Variants in PTPN2 observed in about 807,000 individuals in gnomAD.
The protein encoded by PTPN2 is tyrosine-protein phosphatase non-receptor type 2.
Under a neutral mutation model 57.3 loss-of-function variants are expected in PTPN2, and 19 were observed. That is an observed-to-expected ratio of 0.33 (90% confidence interval 0.23 to 0.49). The LOEUF (loss-of-function observed/expected upper bound fraction) is 0.49. PTPN2 is among the 20% of genes least tolerant of loss of function. The probability of loss-of-function intolerance (pLI) is 0.99; values close to 1 mark genes in which losing one functional copy is unlikely to be tolerated. For synonymous variants in PTPN2, 153 were observed against 164.9 expected, an observed-to-expected ratio of 0.93 and a Z score of 0.55; for missense variants, 358 against 501.1, an observed-to-expected ratio of 0.71 and a Z score of 2.73.
In PTPN2 at chr18:12,807,580, A is replaced by AT. The variant is rs1405214676; in HGVS notation, c.859-5430_859-5429insA. Reference sequence around the variant, plus strand: ...GAAAGAAAATGTGGAAAAAAAAAAAAAAAAAAATATATATATATATATATA... The same window carrying AT: ...GAAAGAAAATGTGGAAAAAAAAAAAATAAAAAAATATATATATATATATATA... On this transcript the variant is annotated intron_variant, in intron 7 of 8. Coordinates refer to ENST00000309660, the MANE Select transcript of PTPN2 (RefSeq NM_002828.4). Among the ~76,000 whole-genome samples the AT allele has an allele frequency of 9.4e-3, 568 of 60,136 alleles. 14 individuals are homozygous for AT. Among genetic ancestry groups the AT allele is most frequent in the East Asian group, 0.051 (57 of 1,116 alleles). 39.5% of individuals were successfully genotyped at this position (60,136 alleles called of 152,430 possible).
chr18:12,849,481 C>T (rs1297968960), intron 2 of PTPN2, among the ~76,000 whole-genome samples: 1 of 152,140 alleles, frequency 6.6e-6, no homozygotes, highest in Non-Finnish European at 1.5e-5. Flanking sequence ...ATTGCTTGAA[C>T]CCGGGAGGTG....
chr18:12,814,406 A>G (rs1275844289), intron 6 of PTPN2, 51 bp from the exon 7 acceptor site: 2 of 1,481,992 alleles, frequency 1.3e-6, no homozygotes, highest in Non-Finnish European at 1.8e-6. Flanking sequence ...AACCCAGGAA[A>G]CAGAATCAAT....
intron 8 of PTPN2, among the ~76,000 whole-genome samples, chr18:12,796,911 A>G (rs1033274754): frequency 6.6e-6 from 1 of 152,174 alleles, no homozygotes; most frequent in Non-Finnish European, 1.5e-5. Flanking sequence ...TCTTCATCAC[A>G]TATTCTGCAA....
At chr18:12,862,156 C>CTTTTTTTTTTTTTT (rs71174145) in intron 1 of PTPN2, 1 of 144,186 alleles carries the variant, frequency 6.9e-6, no homozygotes, top group Non-Finnish European at 1.5e-5. Flanking sequence ...CTTTCTCTTT[C>CTTTTTTTTTTTTTT]TTTTTTTTTT....
Position 12,870,751 on chromosome 18 carries a change from C to A in PTPN2, c.70-11497G>T, listed in dbSNP as rs191646427. Among the ~76,000 whole-genome samples, 879 of 151,490 alleles carry A rather than the reference C, an allele frequency of 5.8e-3. 5 individuals are homozygous for A. The highest frequency in any genetic ancestry group is 9.8e-3 in the Non-Finnish European group (666 of 67,888). On this transcript the variant is annotated intron_variant, in intron 1 of 8. Coordinates refer to ENST00000309660, the MANE Select transcript of PTPN2 (RefSeq NM_002828.4). The stretch of plus-strand genomic sequence containing the variant: ...GTCTCGATCTCCTGACCTCATGATC[C>A]GCCCACCTCGGCCTCCCAAAGTGCT...
At chr18:12,845,500 A>C (rs867445123) in intron 2 of PTPN2, among the ~76,000 whole-genome samples, 52 of 152,190 alleles carry the variant, frequency 3.4e-4, no homozygotes, top group African/African-American at 1.2e-3. Flanking sequence ...TGTTGTTAAT[A>C]TACAGGAATA....
At chr18:12,880,974 T>C (rs2145551086) in intron 1 of PTPN2, among the ~76,000 whole-genome samples, 1 of 152,338 alleles carries the variant, frequency 6.6e-6, no homozygotes, top group East Asian at 1.9e-4. Flanking sequence ...CGTATACCCC[T>C]TTACCATTTC....
chr18:12,872,627 G>C (rs1303044499), intron 1 of PTPN2, among the ~76,000 whole-genome samples: 1 of 151,848 alleles, frequency 6.6e-6, no homozygotes, highest in Admixed American at 6.6e-5. Flanking sequence ...TTATCCTAGG[G>C]ATCACCAGGT....
intron 1 of PTPN2, 70 bp from the exon 2 acceptor site, chr18:12,859,324 A>G: frequency 9.3e-7 from 1 of 1,071,570 alleles, no homozygotes; most frequent in African/African-American, 1.6e-5. Flanking sequence ...CTTCCCAGCC[A>G]GCGTAAAATA....
chr18:12,816,567 T>C (rs924936789), intron 6 of PTPN2, among the ~76,000 whole-genome samples: 3 of 152,040 alleles, frequency 2.0e-5, no homozygotes, highest in African/African-American at 7.2e-5. Context: ...ATAAAGGTCC[T>C]AAAAAGAGAA....
intron 3 of PTPN2, among the ~76,000 whole-genome samples, chr18:12,836,439 C>G (rs1386465200): frequency 2.0e-5 from 3 of 152,172 alleles, no homozygotes; most frequent in African/African-American, 7.2e-5. Context: ...CTGTCCAGGG[C>G]CTCTGGTTTT....
chr18:12,837,033 A>G, intron 2 of PTPN2, 142 bp from the exon 3 acceptor site: 1 of 605,906 alleles, frequency 1.7e-6, no homozygotes, highest in Non-Finnish European at 2.8e-6. Flanking sequence ...GACAAATCCT[A>G]AACTATTCTC....
chr18:12,843,294 T>C (rs1281411592), intron 2 of PTPN2, among the ~76,000 whole-genome samples: 2 of 152,294 alleles, frequency 1.3e-5, no homozygotes, highest in East Asian at 1.9e-4. Flanking sequence ...CAGTCCTTCT[T>C]GATTATTTTC....
At chr18:12,820,016 G>A (rs2042218380) in intron 5 of PTPN2, among the ~76,000 whole-genome samples, 2 of 152,158 alleles carry the variant, frequency 1.3e-5, no homozygotes, top group Admixed American at 6.5e-5. Context: ...GTACCCCTAC[G>A]GGGTCCTGCG....
chr18:12,865,433 T>G (rs2043957096), intron 1 of PTPN2, among the ~76,000 whole-genome samples: 1 of 145,606 alleles, frequency 6.9e-6, no homozygotes, highest in Admixed American at 6.7e-5. Context: ...AGACTCTGTC[T>G]TTATTAAAAA....
At chr18:12,817,472 G>T in intron 5 of PTPN2, 107 bp from the exon 6 acceptor site, 3 of 785,134 alleles carry the variant, frequency 3.8e-6, no homozygotes, top group African/African-American at 1.8e-5. Flanking sequence ...CATATAGGCT[G>T]TTTATACTAT....
chr18:12,879,332 G>A (rs932438259), intron 1 of PTPN2, among the ~76,000 whole-genome samples: 1 of 152,164 alleles, frequency 6.6e-6, no homozygotes, highest in Non-Finnish European at 1.5e-5. Flanking sequence ...TCTTCCACCT[G>A]TGTGCTCTTG....
rs764360985 is a variant in PTPN2 at position 12,852,672 on chromosome 18, C to A, written c.160+6492G>T. Among the ~76,000 whole-genome samples the A allele has an allele frequency of 9.7e-4, 147 of 152,192 alleles. 1 individual carries two copies. The highest frequency in any genetic ancestry group is 1.9e-3 in the Non-Finnish European group (126 of 68,036). ...TTGGGACTACAATCATGAGCTGCTG[C>A]ACCCAGCCCAAATTCTTCCTAATTT... On this transcript the variant is annotated intron_variant, in intron 2 of 8. Coordinates refer to ENST00000309660, the MANE Select transcript of PTPN2 (RefSeq NM_002828.4).
In PTPN2 at chr18:12,808,645, G is replaced by T. The variant is rs955712125; in HGVS notation, c.858+5558C>A. Among the ~76,000 whole-genome samples the T allele has an allele frequency of 3.9e-5, 6 of 152,110 alleles. No homozygotes were observed. The South Asian group carries it at 1.2e-3, about 32-fold the overall frequency. Reference sequence around the variant, plus strand: ...AATACAAAATAATTAGCTGGGTGTGGTGGCACACGCCTATAGTCCCAGCTA... The same window carrying T: ...AATACAAAATAATTAGCTGGGTGTGTTGGCACACGCCTATAGTCCCAGCTA... On this transcript the variant is annotated intron_variant, in intron 7 of 8. Transcript: ENST00000309660.
Sources: allele counts gnomAD v4.1 joint callset (sites outside exome capture counted in the v4.1 genomes callset), GRCh38; gene constraint gnomAD v4.1.1; transcripts MANE v1.5; gene names NCBI Gene and HGNC (gene_info 2026-07-23, HGNC 2026-07-21).